Variants in FRMD4A observed in about 807,000 individuals in gnomAD.
FRMD4A encodes FERM domain containing 4A, also known as FERM domain-containing protein 4A.
FRMD4A carries 29 observed loss-of-function variants against 129.1 expected under a neutral mutation model. The observed-to-expected ratio is 0.22, with a 90% CI of 0.17 to 0.31. FRMD4A has a LOEUF of 0.31. Among genes scored for constraint, FRMD4A ranks in the 10% least tolerant of loss-of-function variants. FRMD4A has a pLI of 1.00. For missense variants in FRMD4A, 1,272 were observed against 1,375.8 expected, an observed-to-expected ratio of 0.92 and a Z score of 1.19; for synonymous variants, 634 against 571.6, an observed-to-expected ratio of 1.11 and a Z score of -1.56.
intron 2 of FRMD4A, among the ~76,000 whole-genome samples, chr10:14,005,770 A>T (rs762422342): frequency 6.6e-6 from 1 of 152,156 alleles, no homozygotes; most frequent in Admixed American, 6.5e-5. Context: ...CATTGACTGT[A>T]TATTCCCATA....
chr10:14,236,099 T>C (rs958769266), intron 2 of FRMD4A, among the ~76,000 whole-genome samples: 2 of 152,222 alleles, frequency 1.3e-5, no homozygotes, highest in African/African-American at 4.8e-5. Flanking sequence ...TCTTTCCTAT[T>C]CTTGACGATT....
chr10:14,316,030 G>T (rs1482989662), intron 2 of FRMD4A, among the ~76,000 whole-genome samples: 1 of 152,196 alleles, frequency 6.6e-6, no homozygotes. Flanking sequence ...ACTGTTGATT[G>T]CCTATGCAGC....
chr10:14,329,605 A>G (rs532989157), intron 2 of FRMD4A, among the ~76,000 whole-genome samples: 43 of 152,274 alleles, frequency 2.8e-4, no homozygotes, highest in African/African-American at 1.0e-3. Flanking sequence ...CCTCTACAGG[A>G]AAGTATGAGC....
In FRMD4A at chr10:13,901,197, G is replaced by A. The variant is rs113959716; in HGVS notation, c.46-42285C>T. Reference sequence around the variant, plus strand: ...GTGTGTTCCTCAACCCTCAGGCATGGTCGAGTATTAGGTGGTATTGCGTCC... The same window carrying A: ...GTGTGTTCCTCAACCCTCAGGCATGATCGAGTATTAGGTGGTATTGCGTCC... On this transcript the variant is annotated intron_variant, in intron 2 of 24. Transcript: ENST00000357447. Among the ~76,000 whole-genome samples the A allele has an allele frequency of 3.1e-3, 471 of 152,322 alleles. 2 individuals carry two copies. Among genetic ancestry groups the A allele is most frequent in the African/African-American group, 0.011 (454 of 41,572 alleles).
At chr10:14,091,248 T>C (rs1215644515) in intron 2 of FRMD4A, among the ~76,000 whole-genome samples, 1 of 152,098 alleles carries the variant, frequency 6.6e-6, no homozygotes, top group African/African-American at 2.4e-5. Flanking sequence ...TGTCTGTGCA[T>C]CTGTACAGCA....
intron 3 of FRMD4A, among the ~76,000 whole-genome samples, chr10:13,857,103 A>T (rs1435244117): frequency 6.6e-6 from 1 of 152,248 alleles, no homozygotes; most frequent in Non-Finnish European, 1.5e-5. Context: ...TTTAGGCCAT[A>T]GAGTCTAGCC....
chr10:13,647,948 G>A (rs1055430982), intron 24 of FRMD4A: 6 of 152,156 alleles, frequency 3.9e-5, no homozygotes, highest in Admixed American at 3.9e-4. Context: ...GGTGAGGGAT[G>A]GGTGACAGGA....
intron 2 of FRMD4A, among the ~76,000 whole-genome samples, chr10:13,887,193 C>A (rs541532274): frequency 6.6e-6 from 1 of 152,286 alleles, no homozygotes; most frequent in South Asian, 2.1e-4. Context: ...TGATTTGACT[C>A]AAACTGAGAC....
rs1358130037 is a variant in FRMD4A, at chr10:14,127,996, C to T, written c.45+202062G>A. Among the ~76,000 whole-genome samples the T allele has an allele frequency of 1.1e-3, 135 of 119,344 alleles. 5 individuals are homozygous for T. Among genetic ancestry groups the T allele is most frequent in the Middle Eastern group, 3.7e-3 (1 of 268 alleles). The allele number at this position is 119,344 out of a possible 152,430, so 78.3% of individuals were successfully genotyped here. ...TTTCTTTCCTTCTCTCTCTCTCTCT[C>T]TCTCTTTCTTTCTTTCTTCCTTCCT... On this transcript the variant is annotated intron_variant, in intron 2 of 24. Transcript: ENST00000357447.
chr10:13,790,609 T>C (rs932192140), intron 5 of FRMD4A, among the ~76,000 whole-genome samples: 1 of 151,806 alleles, frequency 6.6e-6, no homozygotes, highest in Admixed American at 6.6e-5. Flanking sequence ...AAAGGGAGCA[T>C]GTTCGAATGA....
chr10:13,731,021 C>G (rs2090288905), intron 12 of FRMD4A, among the ~76,000 whole-genome samples: 1 of 129,048 alleles, frequency 7.7e-6, no homozygotes, highest in Non-Finnish European at 1.7e-5. Flanking sequence ...GAGCGAGACT[C>G]CCTCTCAAAA....
intron 15 of FRMD4A, among the ~76,000 whole-genome samples, chr10:13,687,799 T>C (rs373952353): frequency 6.6e-6 from 1 of 152,312 alleles, no homozygotes; most frequent in East Asian, 1.9e-4. Flanking sequence ...ACTGAGCACC[T>C]GCACAAATGG....
At chr10:13,989,441 C>T (rs1464908796) in intron 2 of FRMD4A, among the ~76,000 whole-genome samples, 2 of 152,174 alleles carry the variant, frequency 1.3e-5, no homozygotes, top group East Asian at 1.9e-4. Flanking sequence ...CTGCAACTTC[C>T]GCCTCCCGGG....
At chr10:14,185,300 A>C (rs1842052149) in intron 2 of FRMD4A, among the ~76,000 whole-genome samples, 1 of 152,204 alleles carries the variant, frequency 6.6e-6, no homozygotes, top group African/African-American at 2.4e-5. Flanking sequence ...CAGCAGAAGG[A>C]TGTAGAGATA....
At chr10:14,167,538 C>CAAAAA (rs59290414) in intron 2 of FRMD4A, among the ~76,000 whole-genome samples, 3 of 57,564 alleles carry the variant, frequency 5.2e-5, no homozygotes, top group African/African-American at 7.5e-5. Flanking sequence ...CTCCGTCTCT[C>CAAAAA]AAAAAAAAAA....
chr10:13,826,566 C>T (rs1286925984), intron 3 of FRMD4A, among the ~76,000 whole-genome samples: 3 of 152,092 alleles, frequency 2.0e-5, no homozygotes, highest in African/African-American at 7.2e-5. Flanking sequence ...ATGGCACTGG[C>T]TTTTCATTTA....
chr10:13,662,812 A>G (rs977317469), intron 19 of FRMD4A, among the ~76,000 whole-genome samples: 2 of 152,152 alleles, frequency 1.3e-5, no homozygotes, highest in African/African-American at 2.4e-5. Context: ...GTGGGTTTCA[A>G]TCTTTGATTT....
At chr10:14,239,011 T>C (rs143141588) in intron 2 of FRMD4A, among the ~76,000 whole-genome samples, 2 of 152,324 alleles carry the variant, frequency 1.3e-5, no homozygotes, top group African/African-American at 4.8e-5. Flanking sequence ...TTTCGACTCT[T>C]ATTTCCTCAT....
intron 2 of FRMD4A, among the ~76,000 whole-genome samples, chr10:14,246,985 G>A (rs1254217498): frequency 2.6e-5 from 4 of 152,142 alleles, no homozygotes. Context: ...TCCCTGAGGG[G>A]TATATCAAGC....
Sources: gnomAD v4.1 joint callset for allele counts (sites outside exome capture counted in the v4.1 genomes callset) on GRCh38, gnomAD v4.1.1 for gene constraint, MANE v1.5 for transcripts, NCBI Gene and HGNC (gene_info 2026-07-23, HGNC 2026-07-21) for gene names.